The following NAALADL2 variants were observed in gnomAD, a reference collection of about 807,000 sequenced individuals.
NAALADL2 encodes inactive N-acetylated-alpha-linked acidic dipeptidase-like protein 2.
Under a neutral mutation model 87.2 loss-of-function variants are expected in NAALADL2, and 76 were observed. That is an observed-to-expected ratio of 0.87 (90% CI 0.72 to 1.05). The LOEUF (loss-of-function observed/expected upper bound fraction) is 1.05. Ranked by LOEUF, NAALADL2 falls within the 50% of genes least tolerant of loss-of-function variation. The probability of loss-of-function intolerance (pLI) is 0.00; values close to 1 mark genes in which losing one functional copy is unlikely to be tolerated. For synonymous variants in NAALADL2, 354 were observed against 331.0 expected, an observed-to-expected ratio of 1.07 and a Z score of -0.75; for missense variants, 1,089 against 945.8, an observed-to-expected ratio of 1.15 and a Z score of -1.99.
chr3:175,344,707 G>T (rs918006104), intron 5 of NAALADL2, among the ~76,000 whole-genome samples: 6 of 151,928 alleles, frequency 3.9e-5, no homozygotes, highest in African/African-American at 1.5e-4. Context: ...GTTATGGATG[G>T]TACATTATTA....
intron 2 of NAALADL2, among the ~76,000 whole-genome samples, chr3:175,110,207 A>T (rs1440919827): frequency 6.6e-6 from 1 of 151,792 alleles, no homozygotes; most frequent in East Asian, 1.9e-4. Flanking sequence ...CAAGTTAAGG[A>T]TGATACGTTA....
Position 175,094,768 on chromosome 3 carries a change from G to GTT in NAALADL2, c.44-2021_44-2020insTT, listed in dbSNP as rs201332221. ...GCACCAGACACTATAGTGTGTGTGT[G>GTT]TGTGTGTGTGTGTGTGTGTGTGAAT... On this transcript the variant is annotated intron_variant, in intron 1 of 13. Coordinates refer to ENST00000454872, the MANE Select transcript of NAALADL2 (RefSeq NM_207015.3). 4.8e-3 allele frequency among the ~76,000 whole-genome samples: 723 copies of GTT among 150,948 alleles called. 6 individuals carry two copies. Among genetic ancestry groups the GTT allele is most frequent in the African/African-American group, 0.017 (688 of 41,080 alleles).
intron 9 of NAALADL2, among the ~76,000 whole-genome samples, chr3:175,548,841 G>A (rs1261238646): frequency 6.6e-6 from 1 of 151,966 alleles, no homozygotes; most frequent in East Asian, 1.9e-4. Flanking sequence ...GCTTGCTGAA[G>A]GGATGATACT....
intron 1 of NAALADL2, among the ~76,000 whole-genome samples, chr3:174,546,529 A>G (rs1365453903): frequency 6.6e-6 from 1 of 152,164 alleles, no homozygotes; most frequent in Non-Finnish European, 1.5e-5. Flanking sequence ...GTTCTGTGAT[A>G]CAAACTGACA....
intron 2 of NAALADL2, among the ~76,000 whole-genome samples, chr3:175,136,486 G>T (rs781017216): frequency 9.2e-5 from 14 of 152,174 alleles, no homozygotes; most frequent in Non-Finnish European, 1.6e-4. Context: ...CCAGGTATAG[G>T]TTGAAGGAAT....
At chr3:175,293,418 C>T (rs975845934) in intron 4 of NAALADL2, among the ~76,000 whole-genome samples, 2 of 151,960 alleles carry the variant, frequency 1.3e-5, no homozygotes, top group Admixed American at 6.5e-5. Flanking sequence ...TTAGCACTAT[C>T]GATATGGAAA....
chr3:174,484,150 C>T (rs1717721869), intron 1 of NAALADL2, among the ~76,000 whole-genome samples: 1 of 149,670 alleles, frequency 6.7e-6, no homozygotes, highest in Non-Finnish European at 1.5e-5. Flanking sequence ...CTCCTATAGG[C>T]AGTATTTGCT....
chr3:175,539,251 T>G (rs1711850256), intron 9 of NAALADL2, among the ~76,000 whole-genome samples: 1 of 152,156 alleles, frequency 6.6e-6, no homozygotes, highest in Non-Finnish European at 1.5e-5. Context: ...GAAAAAATAC[T>G]TTTGATCAAG....
intron 2 of NAALADL2, among the ~76,000 whole-genome samples, chr3:175,122,324 T>C (rs1325201882): frequency 6.6e-6 from 1 of 151,896 alleles, no homozygotes; most frequent in African/African-American, 2.4e-5. Context: ...GAATATCCAG[T>C]GCAATCCCCC....
chr3:175,074,201 G>T (rs948100480), intron 1 of NAALADL2, among the ~76,000 whole-genome samples: 1 of 152,004 alleles, frequency 6.6e-6, no homozygotes, highest in Non-Finnish European at 1.5e-5. Context: ...GATGAAGCAG[G>T]TATGATTAGA....
At chr3:174,953,693 A>G (rs2108522027) in intron 1 of NAALADL2, among the ~76,000 whole-genome samples, 1 of 152,038 alleles carries the variant, frequency 6.6e-6, no homozygotes, top group East Asian at 2.0e-4. Context: ...AATTCAGGAA[A>G]CATTTATCAA....
At chr3:174,994,582 A>T (rs1469467460) in intron 1 of NAALADL2, among the ~76,000 whole-genome samples, 1 of 152,142 alleles carries the variant, frequency 6.6e-6, no homozygotes, top group Non-Finnish European at 1.5e-5. Flanking sequence ...TGCTTCTACA[A>T]ATTAAACTCT....
chr3:174,767,714 C>G (rs1714012549), intron 3 of NAALADL2, among the ~76,000 whole-genome samples: 2 of 152,198 alleles, frequency 1.3e-5, no homozygotes, highest in African/African-American at 4.8e-5. Flanking sequence ...CTTTTATTTT[C>G]TGGTTCTATT....
chr3:175,034,741 T>C (rs1393573496), intron 1 of NAALADL2, among the ~76,000 whole-genome samples: 1 of 152,184 alleles, frequency 6.6e-6, no homozygotes. Flanking sequence ...TTTAAAACTT[T>C]CCGTGCCTGA....
chr3:174,883,286 C>A (rs1298802418), intron 1 of NAALADL2, among the ~76,000 whole-genome samples: 1 of 152,118 alleles, frequency 6.6e-6, no homozygotes, highest in African/African-American at 2.4e-5. Context: ...TTGTATCGTT[C>A]AGTCCACTCA....
At chr3:174,706,500 T>G (rs1389058629) in intron 2 of NAALADL2, among the ~76,000 whole-genome samples, 2 of 152,188 alleles carry the variant, frequency 1.3e-5, no homozygotes, top group African/African-American at 2.4e-5. Context: ...AGAACACTCA[T>G]GAAAGTAAAA....
At chr3:175,172,875 G>T (rs1735061391) in intron 2 of NAALADL2, among the ~76,000 whole-genome samples, 3 of 152,162 alleles carry the variant, frequency 2.0e-5, no homozygotes, top group Admixed American at 2.0e-4. Flanking sequence ...CCTTGTTTAA[G>T]ATGCAGATTT....
intron 6 of NAALADL2, among the ~76,000 whole-genome samples, chr3:175,447,878 G>C (rs956481457): frequency 7.2e-5 from 11 of 152,172 alleles, no homozygotes; most frequent in African/African-American, 2.7e-4. Flanking sequence ...GGACCACGTA[G>C]GATGAAACTG....
At chr3:175,099,107 TCTTA>T (rs1313820531) in intron 2 of NAALADL2, among the ~76,000 whole-genome samples, 55 of 152,278 alleles carry the variant, frequency 3.6e-4, no homozygotes, top group Middle Eastern at 3.4e-3. Context: ...GCTTTCTTTG[TCTTA>T]CTTGTTTTAA....
Sources: gnomAD v4.1 joint callset for allele counts (sites outside exome capture counted in the v4.1 genomes callset) on GRCh38, gnomAD v4.1.1 for gene constraint, MANE v1.5 for transcripts, NCBI Gene and HGNC (gene_info 2026-07-23, HGNC 2026-07-21) for gene names.